Variants in DPP10 observed in about 807,000 individuals in gnomAD.
DPP10 encodes dipeptidyl peptidase like 10.
DPP10 carries 33 observed loss-of-function variants against 120.9 expected under a neutral mutation model. The ratio of observed to expected loss-of-function variants is 0.27; its 90% CI spans 0.21 to 0.37. The LOEUF (loss-of-function observed/expected upper bound fraction) is 0.37, where lower values mean the gene tolerates loss of function less well. Among genes scored for constraint, DPP10 ranks in the 10% least tolerant of loss-of-function variants. The pLI is 1.00. For synonymous variants in DPP10, 337 were observed against 326.1 expected (o/e 1.03, Z -0.36); for missense variants, 816 against 942.8 (o/e 0.87, Z 1.76).
intron 1 of DPP10, among the ~76,000 whole-genome samples, chr2:114,909,025 C>T (rs528791359): frequency 3.1e-4 from 47 of 151,268 alleles, no homozygotes; most frequent in African/African-American, 1.1e-3. Flanking sequence ...AGTTTTTTTT[C>T]TTAAGTTTGA....
At chr2:114,692,363 G>A (rs890449009) in intron 1 of DPP10, among the ~76,000 whole-genome samples, 25 of 152,056 alleles carry the variant, frequency 1.6e-4, no homozygotes, top group African/African-American at 5.3e-4. Context: ...TCAGGAGCAG[G>A]TTGTTCAATT....
At chr2:115,527,905 G>A (rs1278860551) in intron 5 of DPP10, among the ~76,000 whole-genome samples, 1 of 152,058 alleles carries the variant, frequency 6.6e-6, no homozygotes, top group Admixed American at 6.6e-5. Context: ...TTCATACATT[G>A]CAGTTGGAAT....
At chr2:114,963,001 G>C (rs1381935416) in intron 1 of DPP10, among the ~76,000 whole-genome samples, 1 of 152,112 alleles carries the variant, frequency 6.6e-6, no homozygotes, top group African/African-American at 2.4e-5. Flanking sequence ...TTACAAATTT[G>C]TACAACAGAA....
At chr2:115,118,779 GT>G in intron 1 of DPP10, among the ~76,000 whole-genome samples, 1 of 138,680 alleles carries the variant, frequency 7.2e-6, no homozygotes, top group East Asian at 2.0e-4. Context: ...GTGTGTGTGT[GT>G]GTGTGTGTGT....
chr2:114,778,118 A>G (rs1681925168), intron 1 of DPP10, among the ~76,000 whole-genome samples: 1 of 152,128 alleles, frequency 6.6e-6, no homozygotes, highest in African/African-American at 2.4e-5. Context: ...GAAGGGCTAT[A>G]AATGAAATGT....
intron 1 of DPP10, among the ~76,000 whole-genome samples, chr2:114,671,787 T>C (rs1367937527): frequency 6.6e-6 from 1 of 152,148 alleles, no homozygotes; most frequent in Admixed American, 6.6e-5. Flanking sequence ...GTGCGTTTAT[T>C]CGTACAGAAT....
chr2:115,344,554 G>A (rs1384929578), intron 3 of DPP10, among the ~76,000 whole-genome samples: 1 of 151,866 alleles, frequency 6.6e-6, no homozygotes, highest in Non-Finnish European at 1.5e-5. Flanking sequence ...GAAATATATG[G>A]CACTTTGTTG....
intron 1 of DPP10, among the ~76,000 whole-genome samples, chr2:114,576,706 C>T (rs1239260042): frequency 6.6e-6 from 1 of 152,154 alleles, no homozygotes; most frequent in East Asian, 1.9e-4. Context: ...AATTAGCACA[C>T]CACTCCTTCC....
At chr2:114,866,092 C>A (rs1410278039) in intron 1 of DPP10, among the ~76,000 whole-genome samples, 7 of 150,770 alleles carry the variant, frequency 4.6e-5, no homozygotes, top group African/African-American at 1.5e-4. Flanking sequence ...AGCCCAGTAA[C>A]AGAGTGAGAC....
intron 8 of DPP10, among the ~76,000 whole-genome samples, chr2:115,738,537 A>G (rs1676881182): frequency 6.6e-6 from 1 of 152,242 alleles, no homozygotes; most frequent in East Asian, 1.9e-4. Flanking sequence ...AAAAAAGACC[A>G]TTGTCACTTG....
At chr2:114,830,719 A>G (rs1441944947) in intron 1 of DPP10, among the ~76,000 whole-genome samples, 20 of 152,276 alleles carry the variant, frequency 1.3e-4, no homozygotes. Context: ...TATATCTGCC[A>G]TATGTATAGA....
At chr2:114,981,666 G>T (rs1232458345) in intron 1 of DPP10, among the ~76,000 whole-genome samples, 6 of 152,064 alleles carry the variant, frequency 3.9e-5, no homozygotes, top group Non-Finnish European at 8.8e-5. Context: ...CTGCAGCCTG[G>T]AGCTCCTGGG....
At chr2:114,957,610 T>G (rs1698309994) in intron 1 of DPP10, among the ~76,000 whole-genome samples, 1 of 152,170 alleles carries the variant, frequency 6.6e-6, no homozygotes, top group African/African-American at 2.4e-5. Flanking sequence ...TCCAAAGGAA[T>G]GGAAATCAGT....
intron 1 of DPP10, among the ~76,000 whole-genome samples, chr2:114,732,987 A>G (rs1677062518): frequency 6.6e-6 from 1 of 152,168 alleles, no homozygotes; most frequent in Non-Finnish European, 1.5e-5. Flanking sequence ...CACTGCACCC[A>G]CTGCTGCCTT....
At chr2:115,267,373 A>G (rs1405689639) in intron 1 of DPP10, among the ~76,000 whole-genome samples, 14 of 152,194 alleles carry the variant, frequency 9.2e-5, no homozygotes, top group Admixed American at 9.2e-4. Context: ...GGAATTACTG[A>G]AGAAATTTCT....
In DPP10 at chr2:114,508,575, T is replaced by G. The variant is rs142420950; in HGVS notation, c.60+65737T>G. ...CTTGATTGCAAGCTTTCGTGTGAAC[T>G]TACTCTCCTTACAGGGCTTAGTGTG... On this transcript the variant is annotated intron_variant, in intron 1 of 25. Transcript: ENST00000410059. Among the ~76,000 whole-genome samples the G allele has an allele frequency of 8.5e-3, 1,287 of 152,274 alleles. 17 individuals carry two copies. The highest frequency in any genetic ancestry group is 0.03 in the African/African-American group (1,230 of 41,538).
chr2:114,700,368 C>T (rs766383545), intron 1 of DPP10, among the ~76,000 whole-genome samples: 2 of 151,730 alleles, frequency 1.3e-5, no homozygotes, highest in African/African-American at 2.4e-5. Context: ...TACTTCCCAC[C>T]TTTCCAGGTA....
chr2:115,683,189 A>G (rs1388219354), intron 5 of DPP10, among the ~76,000 whole-genome samples: 1 of 152,010 alleles, frequency 6.6e-6, no homozygotes, highest in Non-Finnish European at 1.5e-5. Context: ...CAAGGCATGA[A>G]AACACATGGA....
chr2:115,369,082 A>T (rs985730469), intron 3 of DPP10, among the ~76,000 whole-genome samples: 2 of 152,000 alleles, frequency 1.3e-5, no homozygotes, highest in Non-Finnish European at 2.9e-5. Flanking sequence ...TGATTTCCTG[A>T]GAATTGATTG....
Sources: allele counts gnomAD v4.1 joint callset (sites outside exome capture counted in the v4.1 genomes callset), GRCh38; gene constraint gnomAD v4.1.1; transcripts MANE v1.5; gene names NCBI Gene and HGNC (gene_info 2026-07-23, HGNC 2026-07-21).